Variants in EYS observed in about 807,000 individuals in gnomAD.
EYS encodes the protein protein eyes shut homolog.
In EYS, 250 loss-of-function variants were observed where a neutral mutation model predicts 282.1. That is an observed-to-expected ratio of 0.89 (90% CI 0.80 to 0.98). The LOEUF (loss-of-function observed/expected upper bound fraction) is 0.98. Among genes scored for constraint, EYS ranks in the 50% least tolerant of loss-of-function variants. The pLI, the probability that EYS is intolerant of heterozygous loss-of-function variation, is 0.00. For missense variants in EYS, 4,016 were observed against 3,709.0 expected, an observed-to-expected ratio of 1.08 and a Z score of -2.15; for synonymous variants, 1,355 against 1,282.9, an observed-to-expected ratio of 1.06 and a Z score of -1.20.
chr6:65,085,484 C>T (rs1774339320), intron 12 of EYS, among the ~76,000 whole-genome samples: 1 of 152,156 alleles, frequency 6.6e-6, no homozygotes, highest in Non-Finnish European at 1.5e-5. Context: ...CCAGCCAGAA[C>T]AAGATTTATC....
chr6:65,287,711 CTGTAATTCCTT>C (rs1768407946), intron 12 of EYS, among the ~76,000 whole-genome samples: 1 of 151,270 alleles, frequency 6.6e-6, no homozygotes, highest in Admixed American at 6.6e-5. Context: ...TTCCATGAGT[CTGTAATTCCTT>C]TGCCATTTAA....
At chr6:64,300,941 C>A (rs569051203) in intron 30 of EYS, among the ~76,000 whole-genome samples, 1 of 152,332 alleles carries the variant, frequency 6.6e-6, no homozygotes, top group South Asian at 2.1e-4. Flanking sequence ...GTAAATCAAG[C>A]TTTGCTCTCT....
In EYS at chr6:65,287,423, T is replaced by G. The variant is rs1362672039; in HGVS notation, c.2023+8440A>C. Among the ~76,000 whole-genome samples, 3 of 151,552 alleles carry G rather than the reference T, an allele frequency of 2.0e-5. No homozygotes were observed. In the East Asian group the frequency reaches 5.8e-4, roughly 29 times the overall value. On this transcript the variant is annotated intron_variant, in intron 12 of 42. Coordinates refer to ENST00000503581, the MANE Select transcript of EYS (RefSeq NM_001142800.2). ...TGCTTAACCTTTAAAAATGTAGTTC[T>G]TTTGGAGAAAATCCCAGATGTGCAT...
intron 12 of EYS, among the ~76,000 whole-genome samples, chr6:65,275,106 AT>A (rs144756799): frequency 2.9e-3 from 445 of 152,232 alleles, no homozygotes; most frequent in African/African-American, 0.01. Context: ...GGGTTGTATG[AT>A]CCAGTAGATC....
Position 64,037,464 on chromosome 6 carries a change from C to A in EYS, c.6725+28874G>T, listed in dbSNP as rs1770176697. Among the ~76,000 whole-genome samples, 3 of 152,114 alleles carry A rather than the reference C, an allele frequency of 2.0e-5. No individual in the cohort carries two copies. In the South Asian group the frequency reaches 6.2e-4, roughly 32 times the overall value. On this transcript the variant is annotated intron_variant, in intron 33 of 42. Coordinates refer to ENST00000503581, the MANE Select transcript of EYS (RefSeq NM_001142800.2). ...TGCATCACAAAATGTGCAATTCATT[C>A]TTTTATGGAATTGCTATTTTCAAAC...
Position 64,590,744 on chromosome 6 carries a change from C to A in EYS, c.5123G>T (p.Gly1708Val). ...ILKLLKIRQY[G>V]ITMGPTEVLN... ...TACCTCAGTGGGTCCCATAGTTATG[C>A]CATATTGTCTTATTTTCAATAGTTT... Residue 1708 changes from glycine to valine, a missense_variant, in exon 26 of 43, where the codon GGC becomes GTC. Transcript: ENST00000503581. The A allele has an allele frequency of 1.3e-6, 2 of 1,550,918 alleles. No homozygotes were observed. Among genetic ancestry groups the A allele is most frequent in the Non-Finnish European group, 1.7e-6 (2 of 1,146,494 alleles).
intron 2 of EYS, among the ~76,000 whole-genome samples, chr6:65,629,221 G>A (rs1445363570): frequency 6.6e-6 from 1 of 152,168 alleles, no homozygotes; most frequent in Non-Finnish European, 1.5e-5. Context: ...TCTAAAGGGA[G>A]AGTCATATCA....
At chr6:63,923,524 T>G (rs1474998890) in intron 35 of EYS, among the ~76,000 whole-genome samples, 1 of 152,188 alleles carries the variant, frequency 6.6e-6, no homozygotes, top group Admixed American at 6.5e-5. Context: ...TAAGATGTAC[T>G]ACTGTTTAAG....
intron 29 of EYS, among the ~76,000 whole-genome samples, chr6:64,327,049 G>A (rs1315303706): frequency 6.6e-6 from 1 of 152,144 alleles, no homozygotes; most frequent in Non-Finnish European, 1.5e-5. Flanking sequence ...TTCAGGGACG[G>A]AGGAGGTGTG....
At chr6:64,514,522 T>C (rs1381124576) in intron 26 of EYS, among the ~76,000 whole-genome samples, 1 of 151,840 alleles carries the variant, frequency 6.6e-6, no homozygotes, top group Non-Finnish European at 1.5e-5. Flanking sequence ...AATGGAACAC[T>C]ACAAAGGCAT....
At chr6:65,214,567 G>A (rs1403340573) in intron 12 of EYS, among the ~76,000 whole-genome samples, 1 of 152,192 alleles carries the variant, frequency 6.6e-6, no homozygotes, top group Non-Finnish European at 1.5e-5. Context: ...AGTTGCAAGT[G>A]CTGAGTAGAA....
chr6:65,371,556 G>A (rs1218762000), intron 8 of EYS, among the ~76,000 whole-genome samples: 3 of 151,972 alleles, frequency 2.0e-5, no homozygotes, highest in African/African-American at 7.2e-5. Flanking sequence ...ATATGCCTGA[G>A]TTCTTATGGG....
At chr6:64,691,936 T>A (rs1038863649) in intron 22 of EYS, among the ~76,000 whole-genome samples, 2 of 152,160 alleles carry the variant, frequency 1.3e-5, no homozygotes, top group East Asian at 3.8e-4. Context: ...GTTTTTGTTC[T>A]TGTGAATAGC....
At chr6:63,961,081 G>C (rs1346114095) in intron 35 of EYS, among the ~76,000 whole-genome samples, 2 of 152,084 alleles carry the variant, frequency 1.3e-5, no homozygotes, top group Non-Finnish European at 2.9e-5. Context: ...ACATAGATTG[G>C]GTAATTTATA....
chr6:64,413,825 G>A (rs780736376), intron 28 of EYS, among the ~76,000 whole-genome samples: 2 of 152,078 alleles, frequency 1.3e-5, no homozygotes, highest in South Asian at 2.1e-4. Context: ...AAATCCTAAC[G>A]CCCAAGTTGA....
chr6:65,605,835 T>A (rs912964034), intron 2 of EYS, among the ~76,000 whole-genome samples: 14 of 151,788 alleles, frequency 9.2e-5, no homozygotes, highest in Non-Finnish European at 1.6e-4. Flanking sequence ...TATTTATATA[T>A]GATTGTATGC....
intron 11 of EYS, chr6:65,331,783 C>T: frequency 5.4e-6 from 5 of 922,402 alleles, no homozygotes; most frequent in Non-Finnish European, 6.5e-6. Flanking sequence ...ACTACTTTTC[C>T]TTATCAAAAT....
chr6:64,936,638 A>C (rs987459065), intron 15 of EYS, among the ~76,000 whole-genome samples: 34 of 151,534 alleles, frequency 2.2e-4, no homozygotes, highest in African/African-American at 7.7e-4. Context: ...CTAGCAAAGA[A>C]CAATCTGAAA....
chr6:64,350,759 G>A (rs1378843989), intron 29 of EYS, among the ~76,000 whole-genome samples: 4 of 151,582 alleles, frequency 2.6e-5, no homozygotes, highest in Non-Finnish European at 4.4e-5. Context: ...CCAGTGATAT[G>A]ATTTGGCTCT....
Sources: gnomAD v4.1 joint callset for allele counts (sites outside exome capture counted in the v4.1 genomes callset) on GRCh38, gnomAD v4.1.1 for gene constraint, MANE v1.5 for transcripts, NCBI Gene and HGNC (gene_info 2026-07-23, HGNC 2026-07-21) for gene names.